Variants in WIPF1 observed in about 807,000 individuals in gnomAD.
WIPF1 encodes the protein WAS/WASL-interacting protein family member 1.
WIPF1 carries 13 observed loss-of-function variants against 35.4 expected under a neutral mutation model. The ratio of observed to expected loss-of-function variants is 0.37; its 90% confidence interval spans 0.24 to 0.58. The LOEUF is 0.58. Ranked by LOEUF, WIPF1 falls within the 20% of genes least tolerant of loss-of-function variation. WIPF1 has a pLI of 0.74. For synonymous variants in WIPF1, 267 were observed against 266.3 expected (o/e 1.00, Z -0.02); for missense variants, 591 against 667.0 (o/e 0.89, Z 1.25).
In WIPF1 at chr2:174,679,793, A is replaced by C. The variant is rs2105998908; in HGVS notation, c.-39+2981T>G. Among the ~76,000 whole-genome samples, 3 of 152,328 alleles carry C rather than the reference A, an allele frequency of 2.0e-5. 1 individual carries two copies. The Middle Eastern group carries it at 0.01, about 518-fold the overall frequency. ...CAAAACTATACAAGGGACAGACTTA[A>C]GTTATTTTGACCTGACCATAATACC... On this transcript the variant is annotated intron_variant, in intron 1 of 8. Transcript: ENST00000272746.
chr2:174,567,161 G>A lies in WIPF1; in HGVS notation c.1365C>T (p.Tyr455=), dbSNP rs779418182. The part of the protein sequence containing the change: ...PCEDEWESRF[Y]FHPISDLPPP... ...GTGGCAAATCGGAAATCGGATGGAA[G>A]TAGAATCTGCTTTCCCACTCATCTG... The change falls in exon 7 of 8, where the codon TAC becomes TAT. Residue 455 remains tyrosine, a synonymous_variant. Coordinates refer to ENST00000679041, the MANE Select transcript of WIPF1 (RefSeq NM_001375834.1). 3 of 1,614,088 alleles carry A rather than the reference G, an allele frequency of 1.9e-6. No homozygotes were observed. In the African/African-American group the frequency reaches 4.0e-5, roughly 22 times the overall value.
rs1574830392 is a variant in WIPF1, at chr2:174,606,558, T to C, written c.-38-20947A>G. ...CTTTTATGCTGGCAGGATGCCTGAA[T>C]GACACTTAACAGATGTTCAATCAAT... is the stretch of plus-strand genomic sequence containing the variant. On this transcript the variant is annotated intron_variant, in intron 1 of 8. Transcript: ENST00000272746. 2.0e-5 allele frequency among the ~76,000 whole-genome samples: 3 copies of C among 152,210 alleles called. No individual in the cohort carries two copies. In the East Asian group the frequency reaches 5.8e-4, roughly 29 times the overall value.
At chr2:174,679,699 G>A (rs1292147828) in intron 1 of WIPF1, among the ~76,000 whole-genome samples, 1 of 152,162 alleles carries the variant, frequency 6.6e-6, no homozygotes, top group Admixed American at 6.5e-5. Flanking sequence ...AGTGTATTAA[G>A]CAGAATAGCA....
intron 1 of WIPF1, among the ~76,000 whole-genome samples, chr2:174,589,206 C>T (rs1193557739): frequency 6.6e-6 from 1 of 152,240 alleles, no homozygotes; most frequent in East Asian, 1.9e-4. Flanking sequence ...AGCCTATGGA[C>T]TCCATGGGGT....
intron 1 of WIPF1, among the ~76,000 whole-genome samples, chr2:174,587,029 T>A (rs1035107528): frequency 1.3e-5 from 2 of 152,214 alleles, no homozygotes; most frequent in Non-Finnish European, 2.9e-5. Context: ...TTTTTGGAGA[T>A]GAGGTCTTGC....
intron 7 of WIPF1, among the ~76,000 whole-genome samples, chr2:174,565,705 T>C (rs1684638471): frequency 6.6e-6 from 1 of 152,164 alleles, no homozygotes; most frequent in Non-Finnish European, 1.5e-5. Context: ...TGTAAGGTGC[T>C]CTGTTAGGGA....
rs372291580 is a variant in WIPF1, at chr2:174,571,726, G to A, written c.1079C>T (p.Pro360Leu). ...TGGAGGTGGGGGTCTCTCACTGGGC[G>A]GGGGAGGAAGAGGACCTGAACGTCC... ...SPGRSGPLPP[P>L]PSERPPPPVR... Residue 360 changes from proline (P) to leucine (L), a missense_variant, in exon 5 of 8, where the codon CCG becomes CTG. By Grantham distance (98) the Pro-to-Leu change is moderately conservative. This residue lies in a region of WIPF1 where 471 missense variants were observed against 501.1 expected (regional missense o/e 0.94). Coordinates refer to ENST00000679041, the MANE Select transcript of WIPF1 (RefSeq NM_001375834.1). The surrounding 1 kb of genome is among the most constrained non-coding windows in gnomAD (Gnocchi z 4.6). 8.1e-6 allele frequency: 13 copies of A among 1,614,034 alleles called. No individual in the cohort carries two copies. The highest frequency in any genetic ancestry group is 1.7e-5 in the Admixed American group (1 of 60,012).
At chr2:174,650,766 A>G (rs979668294) in intron 1 of WIPF1, among the ~76,000 whole-genome samples, 1 of 152,244 alleles carries the variant, frequency 6.6e-6, no homozygotes, top group African/African-American at 2.4e-5. Flanking sequence ...CCTTGCTCTG[A>G]TTCAATGTGC....
At chr2:174,660,334 T>A (rs181880985) in intron 1 of WIPF1, among the ~76,000 whole-genome samples, 1 of 152,168 alleles carries the variant, frequency 6.6e-6, no homozygotes. Flanking sequence ...TTGCCTAAAT[T>A]TTTTGTGCTT....
At chr2:174,647,209 A>C (rs940368701) in intron 1 of WIPF1, among the ~76,000 whole-genome samples, 2 of 151,968 alleles carry the variant, frequency 1.3e-5, no homozygotes, top group Non-Finnish European at 2.9e-5. Context: ...CTGTCTCCAA[A>C]ACATTTTTTT....
rs1479183228 is a variant in WIPF1, at chr2:174,590,871, C to A, written c.-38-5260G>T. Among the ~76,000 whole-genome samples the A allele has an allele frequency of 1.3e-5, 2 of 152,196 alleles. No homozygotes were observed. Among genetic ancestry groups the A allele is most frequent in the Non-Finnish European group, 2.9e-5 (2 of 68,040 alleles). On this transcript the variant is annotated intron_variant, in intron 1 of 7. Transcript: ENST00000679041. The surrounding 1 kb of genome is among the most constrained non-coding windows in gnomAD (Gnocchi z 4.6). ...AAATCTTTACTTGGTGTGTTGACTT[C>A]TACAAACACAAAGAAAACTCAAGGG...
At chr2:174,637,744 G>A (rs1054143671) in intron 1 of WIPF1, among the ~76,000 whole-genome samples, 6 of 152,158 alleles carry the variant, frequency 3.9e-5, no homozygotes, top group Non-Finnish European at 7.4e-5. Flanking sequence ...TCGAGATTGC[G>A]CCACTGCACT....
Position 174,575,714 on chromosome 2 carries a change from C to G in WIPF1, c.182-334G>C, listed in dbSNP as rs1010331511. 2.6e-5 allele frequency among the ~76,000 whole-genome samples: 4 copies of G among 152,144 alleles called. No individual in the cohort carries two copies. In the East Asian group the frequency reaches 7.7e-4, roughly 29 times the overall value. On this transcript the variant is annotated intron_variant, in intron 3 of 7. Transcript: ENST00000679041. Reference sequence around the variant, plus strand: ...TCTTCAGGCTGGGTGCAGTGGCTCACACATGTAATCTCAGCACTTTGGGAG... The same window carrying G: ...TCTTCAGGCTGGGTGCAGTGGCTCAGACATGTAATCTCAGCACTTTGGGAG...
chr2:174,647,608 G>A (rs558644780), intron 1 of WIPF1, among the ~76,000 whole-genome samples: 27 of 149,602 alleles, frequency 1.8e-4, no homozygotes, highest in African/African-American at 6.7e-4. Context: ...TCCTGACCTC[G>A]TGATCCGTGC....
chr2:174,598,567 A>G (rs1301945795), upstream of WIPF1, among the ~76,000 whole-genome samples: 1 of 152,198 alleles, frequency 6.6e-6, no homozygotes, highest in Non-Finnish European at 1.5e-5. Context: ...TGATCCTTCC[A>G]TCTTAGCTTC....
At position 174,638,425 on chromosome 2, in the gene WIPF1, C is replaced by T. The variant is rs557256729; in HGVS notation, c.-39+44349G>A. On this transcript the variant is annotated intron_variant, in intron 1 of 8. Coordinates refer to the WIPF1 transcript ENST00000272746. ...GATGAGAACATTCAAACACCTCTCT[C>T]CTGGCTATTTTATAAAATACAATAT... 7.9e-5 allele frequency among the ~76,000 whole-genome samples: 12 copies of T among 152,278 alleles called. No individual in the cohort carries two copies. In the South Asian group the frequency reaches 1.7e-3, roughly 21 times the overall value.
chr2:174,673,176 A>G (rs1029022376), intron 1 of WIPF1: 5 of 152,194 alleles, frequency 3.3e-5, no homozygotes, highest in Non-Finnish European at 5.9e-5. Flanking sequence ...GCTAAAATGT[A>G]ATGCAGCTCC....
chr2:174,682,036 T>C (rs1409806979), intron 1 of WIPF1, among the ~76,000 whole-genome samples: 1 of 152,256 alleles, frequency 6.6e-6, no homozygotes, highest in African/African-American at 2.4e-5. Context: ...CAGTTCTTTC[T>C]TTAAAAAGAA....
At chr2:174,610,320 T>C (rs1422457261) in intron 1 of WIPF1, among the ~76,000 whole-genome samples, 2 of 152,178 alleles carry the variant, frequency 1.3e-5, no homozygotes, top group African/African-American at 4.8e-5. Flanking sequence ...GTGTTGACTC[T>C]TTTCCCCACA....
Sources: gnomAD v4.1 joint callset for allele counts (sites outside exome capture counted in the v4.1 genomes callset) on GRCh38, gnomAD v4.1.1 for gene constraint, gnomAD v4.1.1 regional missense constraint, Gnocchi (gnomAD v3.1) non-coding constraint, MANE v1.5 for transcripts, NCBI Gene and HGNC (gene_info 2026-07-23, HGNC 2026-07-21) for gene names.